TOPAZ1: variants seen among roughly 807,000 people sequenced by gnomAD.
TOPAZ1 encodes protein TOPAZ1.
In TOPAZ1, 66 loss-of-function variants were observed where a neutral mutation model predicts 172.2. The observed-to-expected ratio is 0.38, with a 90% CI of 0.31 to 0.47. The LOEUF is 0.47. Ranked by LOEUF, TOPAZ1 falls within the 20% of genes least tolerant of loss-of-function variation. The pLI is 0.99. For synonymous variants in TOPAZ1, 681 were observed against 683.9 expected, an observed-to-expected ratio of 1.00 and a Z score of 0.07; for missense variants, 1,822 against 1,972.4, an observed-to-expected ratio of 0.92 and a Z score of 1.44.
Position 44,248,914 on chromosome 3 carries a change from T to C in TOPAZ1, c.2765+3643T>C, listed in dbSNP as rs139268184. Reference sequence around the variant, plus strand: ...AATTTGGAAGGTGTCTAAGTCATGATAGAATGCTTATTTGTTTTTAGTCTC... The same window carrying C: ...AATTTGGAAGGTGTCTAAGTCATGACAGAATGCTTATTTGTTTTTAGTCTC... On this transcript the variant is annotated intron_variant, in intron 2 of 19. Coordinates refer to ENST00000309765, the MANE Select transcript of TOPAZ1 (RefSeq NM_001145030.2). 6.7e-3 allele frequency among the ~76,000 whole-genome samples: 1,024 copies of C among 152,310 alleles called. 40 individuals are homozygous for C. The highest frequency in any genetic ancestry group is 0.06 in the Admixed American group (917 of 15,304).
chr3:44,314,347 CATA>C (rs1263105934), intron 16 of TOPAZ1, among the ~76,000 whole-genome samples: 1 of 152,122 alleles, frequency 6.6e-6, no homozygotes, highest in Non-Finnish European at 1.5e-5. Flanking sequence ...TTATTGGTTT[CATA>C]ATAATGTGAG....
At chr3:44,272,184 G>A (rs1244952970) in intron 8 of TOPAZ1, among the ~76,000 whole-genome samples, 1 of 152,156 alleles carries the variant, frequency 6.6e-6, no homozygotes, top group Admixed American at 6.5e-5. Context: ...CTTGGCTATT[G>A]TGAATAGTGC....
At position 44,244,838 on chromosome 3, in the gene TOPAZ1, A is replaced by G; in HGVS notation, c.2332A>G (p.Asn778Asp). The change falls in exon 2 of 20, where the codon AAC becomes GAC. Residue 778 changes from asparagine (N) to aspartate (D), a missense_variant. By Grantham distance (23) the Asn-to-Asp change is conservative. Around this residue, in one of 2 missense-constraint regions of TOPAZ1, gnomAD observed 1,489 missense variants for 1,490.8 expected, o/e 1.00. Coordinates refer to ENST00000309765, the MANE Select transcript of TOPAZ1 (RefSeq NM_001145030.2). ...SISPSFTKQG[N>D]NSKPSNHVSE... is the part of the protein sequence containing the mutation. ...TTCTCCAAGCTTTACAAAGCAAGGT[A>G]ACAATAGCAAACCATCTAATCACGT... 1.3e-6 allele frequency: 2 copies of G among 1,551,726 alleles called. No individual in the cohort carries two copies. Among genetic ancestry groups the G allele is most frequent in the Non-Finnish European group, 1.7e-6 (2 of 1,146,982 alleles).
Position 44,332,095 on chromosome 3 carries a change from T to G in TOPAZ1, c.*84T>G. 8.5e-6 allele frequency: 8 copies of G among 940,300 alleles called. No homozygotes were observed. The highest frequency in any genetic ancestry group is 1.3e-5 in the Non-Finnish European group (8 of 634,948). The allele number at this position is 940,300 out of a possible 1,614,324, so 58.2% of individuals were successfully genotyped here. ...GGCAATAAAAATAGACAGTTTTCACTATATTCAGCTCTTTGACTTTATTGA... is the reference window on the plus strand; with the variant it reads ...GGCAATAAAAATAGACAGTTTTCACGATATTCAGCTCTTTGACTTTATTGA... On this transcript the variant is annotated 3_prime_UTR_variant, in exon 20 of 20. Transcript: ENST00000309765.
chr3:44,257,530 C>G (rs867501881), intron 4 of TOPAZ1, among the ~76,000 whole-genome samples: 1 of 146,256 alleles, frequency 6.8e-6, no homozygotes, highest in Non-Finnish European at 1.5e-5. Flanking sequence ...TTTCCAGAGG[C>G]CTTTTCTTTT....
In TOPAZ1 at chr3:44,331,799, G is replaced by T; in HGVS notation, c.4867G>T (p.Asp1623Tyr). ...GAGGTGTTCATTTTATAGGTGTGAAGACAACCAGTCTCGGAGCAATGATGA... is the reference window on the plus strand; with the variant it reads ...GAGGTGTTCATTTTATAGGTGTGAATACAACCAGTCTCGGAGCAATGATGA... The part of the protein sequence containing the change: ...ILQIVLKRCE[D>Y]NQSRSNDDYQ... The change falls in exon 20 of 20, where the codon GAC (aspartate) becomes TAC (tyrosine). Residue 1623 changes from aspartate to tyrosine, a missense_variant. By Grantham distance (160) the Asp-to-Tyr change is radical (BLOSUM62 -3). Coordinates refer to ENST00000309765, the MANE Select transcript of TOPAZ1 (RefSeq NM_001145030.2). 6.4e-7 allele frequency: 1 copy of T among 1,551,542 alleles called. No individual in the cohort carries two copies. The highest frequency in any genetic ancestry group is 1.2e-5 in the South Asian group (1 of 84,050).
At chr3:44,270,918 C>A in intron 8 of TOPAZ1, 108 bp downstream of exon 8, 2 of 1,023,956 alleles carry the variant, frequency 2.0e-6, no homozygotes, top group Non-Finnish European at 2.7e-6. Flanking sequence ...GTGAGTTTTG[C>A]CTGCTTTTGT....
At chr3:44,251,454 C>T (rs1699629500) in intron 2 of TOPAZ1, among the ~76,000 whole-genome samples, 1 of 152,164 alleles carries the variant, frequency 6.6e-6, no homozygotes, top group Admixed American at 6.6e-5. Flanking sequence ...AGTTTTCAAA[C>T]AGTTTCTGAT....
At chr3:44,300,129 A>T (rs185979152) in intron 12 of TOPAZ1, among the ~76,000 whole-genome samples, 42 of 150,186 alleles carry the variant, frequency 2.8e-4, no homozygotes, top group Middle Eastern at 6.8e-3. Flanking sequence ...AATAAATAAA[A>T]AATAAAAAAA....
chr3:44,310,589 C>T (rs1700387914), intron 16 of TOPAZ1, among the ~76,000 whole-genome samples: 1 of 152,152 alleles, frequency 6.6e-6, no homozygotes, highest in African/African-American at 2.4e-5. Context: ...TTCATAGAAC[C>T]CTGAATTTGG....
At chr3:44,268,916 T>C (rs1211703739) in intron 6 of TOPAZ1, among the ~76,000 whole-genome samples, 2 of 152,222 alleles carry the variant, frequency 1.3e-5, no homozygotes, top group Non-Finnish European at 2.9e-5. Context: ...TCTATTTAAC[T>C]TAGAGACATA....
intron 2 of TOPAZ1, among the ~76,000 whole-genome samples, chr3:44,249,112 G>GGACAGTTA (rs1383968251): frequency 6.6e-5 from 10 of 152,038 alleles, no homozygotes; most frequent in Non-Finnish European, 1.0e-4. Flanking sequence ...AGTCAGTGCT[G>GGACAGTTA]GACAGTTAAT....
intron 15 of TOPAZ1, among the ~76,000 whole-genome samples, chr3:44,309,125 G>T (rs1700368374): frequency 6.6e-6 from 1 of 152,188 alleles, no homozygotes; most frequent in Non-Finnish European, 1.5e-5. Context: ...GCCATTTACA[G>T]GAAAAGCTTG....
intron 2 of TOPAZ1, among the ~76,000 whole-genome samples, chr3:44,245,659 C>G (rs1350730306): frequency 6.6e-6 from 1 of 151,136 alleles, no homozygotes; most frequent in African/African-American, 2.4e-5. Flanking sequence ...GCCTCAGCCT[C>G]CCAAGTAGCT....
chr3:44,324,191 C>T (rs1275457749), intron 18 of TOPAZ1, among the ~76,000 whole-genome samples: 1 of 152,116 alleles, frequency 6.6e-6, no homozygotes, highest in East Asian at 1.9e-4. Flanking sequence ...ATTTTCATTT[C>T]AGTTGCATAT....
rs1359590059 is a variant in TOPAZ1 at position 44,287,850 on chromosome 3, A to G, written c.3681+11A>G. On this transcript the variant is annotated intron_variant, in intron 11 of 19. Transcript: ENST00000309765. ...GATATCTTTTGCAAGGTATGGTTTT[A>G]TTTTCTCTTTTATTCTCTGATGGCG... The G allele has an allele frequency of 7.6e-7, 1 of 1,314,320 alleles. No homozygotes were observed. Among genetic ancestry groups the G allele is most frequent in the South Asian group, 1.4e-5 (1 of 71,936 alleles). 81.4% of individuals were successfully genotyped at this position (1,314,320 alleles called of 1,614,324 possible).
chr3:44,301,553 A>G (rs1245664287), intron 12 of TOPAZ1, among the ~76,000 whole-genome samples: 36 of 152,160 alleles, frequency 2.4e-4, no homozygotes. Flanking sequence ...AATGTTTTTC[A>G]ATGTTTGCCA....
At chr3:44,257,413 T>TGTG (rs1699723960) in intron 4 of TOPAZ1, among the ~76,000 whole-genome samples, 1 of 94,586 alleles carries the variant, frequency 1.1e-5, no homozygotes, top group African/African-American at 4.9e-5. Flanking sequence ...GTGTGTCTAT[T>TGTG]TTATATATTT....
Position 44,254,954 on chromosome 3 carries a change from T to C in TOPAZ1, c.2766-14T>C. On this transcript the variant is annotated splice_polypyrimidine_tract_variant and intron_variant, in intron 2 of 19. Transcript: ENST00000309765. The stretch of plus-strand genomic sequence containing the variant: ...ATCTATTATAATGTTTAAGCTCTGT[T>C]TGCTTTATAATAGAGAACTTCCTGT... The C allele has an allele frequency of 6.5e-7, 1 of 1,542,286 alleles. No homozygotes were observed. The highest frequency in any genetic ancestry group is 2.0e-5 in the Admixed American group (1 of 50,912).
Sources: gnomAD v4.1 joint callset for allele counts (sites outside exome capture counted in the v4.1 genomes callset) on GRCh38, gnomAD v4.1.1 for gene constraint, gnomAD v4.1.1 regional missense constraint, MANE v1.5 for transcripts, NCBI Gene and HGNC (gene_info 2026-07-23, HGNC 2026-07-21) for gene names.